ASXL2: variants seen among roughly 807,000 people sequenced by gnomAD.
ASXL2 encodes the protein putative Polycomb group protein ASXL2.
A neutral mutation model predicts 122.0 loss-of-function variants in ASXL2; 23 were observed. The observed-to-expected ratio is 0.19, with a 90% CI of 0.14 to 0.27. The LOEUF is 0.27. Among genes scored for constraint, ASXL2 ranks in the 10% least tolerant of loss-of-function variants. The pLI is 1.00. For missense variants in ASXL2, 1,518 were observed against 1,713.8 expected (o/e 0.89, Z 2.02); for synonymous variants, 650 against 637.0 (o/e 1.02, Z -0.31).
Position 25,878,411 on chromosome 2 carries a change from C to A in ASXL2, c.-189G>T, listed in dbSNP as rs1372480133. On this transcript the variant is annotated 5_prime_UTR_variant, in exon 1 of 13. Transcript: ENST00000435504. ...CGGGGGGGTCTATGGGGCGGCCGGT[C>A]CTCTTGCTGCCGTTGCCACTGCTAC... 1 of 603,674 alleles carries A rather than the reference C, an allele frequency of 1.7e-6. No individual in the cohort carries two copies. Among genetic ancestry groups the A allele is most frequent in the African/African-American group, 1.9e-5 (1 of 53,776 alleles). The allele number at this position is 603,674 out of a possible 1,614,324, so 37.4% of individuals were successfully genotyped here.
chr2:25,784,900 G>A (rs145381409), intron 5 of ASXL2, among the ~76,000 whole-genome samples: 1 of 152,208 alleles, frequency 6.6e-6, no homozygotes, highest in Non-Finnish European at 1.5e-5. Flanking sequence ...TTTTGAAGGG[G>A]ACACAATTTG....
chr2:25,844,732 C>G (rs1383228065), intron 2 of ASXL2, among the ~76,000 whole-genome samples: 2 of 151,874 alleles, frequency 1.3e-5, no homozygotes, highest in African/African-American at 4.8e-5. Context: ...TCTGCAGCCT[C>G]GAACTCCTGG....
intron 2 of ASXL2, among the ~76,000 whole-genome samples, chr2:25,837,452 A>G (rs1253427810): frequency 6.6e-6 from 1 of 152,202 alleles, no homozygotes. Flanking sequence ...AATGACTGCA[A>G]TTTATTTCAG....
chr2:25,853,650 A>G (rs1432483450), intron 1 of ASXL2, among the ~76,000 whole-genome samples: 1 of 152,070 alleles, frequency 6.6e-6, no homozygotes, highest in Non-Finnish European at 1.5e-5. Context: ...TTTGTTTTTG[A>G]GACAGGGACT....
intron 1 of ASXL2, among the ~76,000 whole-genome samples, chr2:25,863,052 G>A (rs754901184): frequency 2.0e-5 from 3 of 151,988 alleles, no homozygotes; most frequent in South Asian, 2.1e-4. Context: ...GCTCACAGCC[G>A]GGCACAGTGG....
intron 3 of ASXL2, among the ~76,000 whole-genome samples, chr2:25,820,892 C>T (rs995724492): frequency 1.7e-4 from 26 of 152,068 alleles, no homozygotes; most frequent in African/African-American, 6.3e-4. Flanking sequence ...TCAGGCCAGG[C>T]GCGGTGGCTC....
In ASXL2 at chr2:25,738,239, T is replaced by C. The variant is rs750920918; in HGVS notation, c.*3790A>G. ...TATTTTTAAAATTGATCTTCAATAGTTGTATCAAATGTAAAGCATTAAAAA... is the reference window on the plus strand; with the variant it reads ...TATTTTTAAAATTGATCTTCAATAGCTGTATCAAATGTAAAGCATTAAAAA... On this transcript the variant is annotated 3_prime_UTR_variant, in exon 13 of 13. Transcript: ENST00000435504. 6.6e-6 allele frequency: 1 copy of C among 152,152 alleles called. No homozygotes were observed. The highest frequency in any genetic ancestry group is 1.5e-5 in the Non-Finnish European group (1 of 68,022). 9.4% of individuals were successfully genotyped at this position (152,152 alleles called of 1,614,324 possible).
chr2:25,768,588 T>A (rs1390560260), intron 7 of ASXL2, among the ~76,000 whole-genome samples, 154 bp downstream of exon 7: 1 of 152,372 alleles, frequency 6.6e-6, no homozygotes, highest in East Asian at 1.9e-4. Flanking sequence ...ACTTTTCCCA[T>A]TTATCCTGGA....
intron 4 of ASXL2, among the ~76,000 whole-genome samples, chr2:25,804,101 T>G (rs1385771974): frequency 6.6e-6 from 1 of 152,112 alleles, no homozygotes; most frequent in African/African-American, 2.4e-5. Context: ...CATGTGAGAA[T>G]AGAGCCCTGT....
In ASXL2 at chr2:25,749,790, T is replaced by C. The variant is rs1021426405; in HGVS notation, c.1766A>G (p.Glu589Gly). 4 of 1,605,542 alleles carry C rather than the reference T, an allele frequency of 2.5e-6. No homozygotes were observed. The African/African-American group carries it at 4.0e-5, about 16-fold the overall frequency. The change falls in exon 12 of 13, where the codon GAG becomes GGG. Residue 589 changes from glutamate (E) to glycine (G), a missense_variant. Around this residue, in one of 8 missense-constraint regions of ASXL2, gnomAD observed 292 missense variants for 293.5 expected, o/e 1.00. Transcript: ENST00000435504. ...AAATGGCTGCTGGTGCTGGCGATTCTCAGTGACACGTGGCCTCTTCTCCCA... is the reference window on the plus strand; with the variant it reads ...AAATGGCTGCTGGTGCTGGCGATTCCCAGTGACACGTGGCCTCTTCTCCCA... ...VSWEKRPRVT[E>G]NRQHQQPFQV... is the part of the protein sequence containing the mutation.
chr2:25,804,628 C>T (rs981123967), intron 4 of ASXL2, among the ~76,000 whole-genome samples: 2 of 152,194 alleles, frequency 1.3e-5, no homozygotes, highest in Non-Finnish European at 2.9e-5. Context: ...GCCTGGGTTT[C>T]CTTAGAATTT....
At chr2:25,810,379 A>G in intron 3 of ASXL2, 1 of 644,846 alleles carries the variant, frequency 1.6e-6, no homozygotes, top group Non-Finnish European at 2.9e-6. Context: ...GTTTTTAACA[A>G]CCTTCATATC....
Position 25,830,644 on chromosome 2 carries a change from TAATA to T in ASXL2, c.143+4890_143+4893del, listed in dbSNP as rs201724657. 9.0e-3 allele frequency among the ~76,000 whole-genome samples: 1,347 copies of T among 149,462 alleles called. 12 individuals are homozygous for T. The highest frequency in any genetic ancestry group is 0.034 in the Middle Eastern group (10 of 292). ...CTGCCTCAAAAAAAAAAAAAAAAAT[TAATA>T]AATAAATAAAAATTGGAATAGCTCT... On this transcript the variant is annotated intron_variant, in intron 3 of 12. Transcript: ENST00000435504.
intron 3 of ASXL2, among the ~76,000 whole-genome samples, chr2:25,832,111 G>A (rs2089460912): frequency 6.6e-6 from 1 of 152,186 alleles, no homozygotes; most frequent in African/African-American, 2.4e-5. Context: ...AAGCAATCCT[G>A]TAGCACCAGG....
intron 8 of ASXL2, among the ~76,000 whole-genome samples, chr2:25,761,565 C>T (rs550017273): frequency 4.0e-5 from 6 of 149,612 alleles, no homozygotes; most frequent in Admixed American, 1.3e-4. Context: ...CCCAGCTACT[C>T]GGGAGGCTGA....
intron 8 of ASXL2, among the ~76,000 whole-genome samples, chr2:25,763,561 A>G (rs956696764): frequency 6.6e-6 from 1 of 152,152 alleles, no homozygotes; most frequent in Non-Finnish European, 1.5e-5. Flanking sequence ...TTGAACAACT[A>G]GAGTATATTT....
intron 1 of ASXL2, among the ~76,000 whole-genome samples, chr2:25,861,448 A>G (rs1172582250): frequency 6.6e-6 from 1 of 152,260 alleles, no homozygotes; most frequent in Admixed American, 6.5e-5. Context: ...CCTATCATCT[A>G]TCAAAGAAAC....
Position 25,742,565 on chromosome 2 carries a change from C to T in ASXL2, c.3772G>A (p.Glu1258Lys). The stretch of plus-strand genomic sequence containing the variant: ...ATTAAATCTCTGGCTAGGGTCTTTT[C>T]ATCAAATGTTTGGCCTCTAGTGAAC... ...YLFTRGQTFD[E>K]KTLARDLIQA... is the part of the protein sequence containing the mutation. Residue 1258 changes from glutamate (E) to lysine (K), a missense_variant, in exon 13 of 13, where the codon GAA becomes AAA. Transcript: ENST00000435504. 6.2e-7 allele frequency: 1 copy of T among 1,613,998 alleles called. No homozygotes were observed. Among genetic ancestry groups the T allele is most frequent in the Admixed American group, 1.7e-5 (1 of 60,018 alleles).
intron 1 of ASXL2, among the ~76,000 whole-genome samples, chr2:25,873,924 C>G (rs959336891): frequency 6.6e-6 from 1 of 152,160 alleles, no homozygotes; most frequent in Non-Finnish European, 1.5e-5. Context: ...AGTCAAAAGG[C>G]AAACAAGATC....
Sources: gnomAD v4.1 joint callset for allele counts (sites outside exome capture counted in the v4.1 genomes callset) on GRCh38, gnomAD v4.1.1 for gene constraint, gnomAD v4.1.1 regional missense constraint, MANE v1.5 for transcripts, NCBI Gene and HGNC (gene_info 2026-07-23, HGNC 2026-07-21) for gene names.